RFTN2: variants seen among roughly 807,000 people sequenced by gnomAD.
RFTN2 encodes the protein raftlin family member 2.
A neutral mutation model predicts 52.7 loss-of-function variants in RFTN2; 34 were observed. The ratio of observed to expected loss-of-function variants is 0.64; its 90% CI spans 0.49 to 0.86. The LOEUF (loss-of-function observed/expected upper bound fraction) is 0.86. RFTN2 is among the 40% of genes least tolerant of loss of function. The pLI is 0.00. For synonymous variants in RFTN2, 203 were observed against 217.7 expected (o/e 0.93, Z 0.59); for missense variants, 536 against 600.1 (o/e 0.89, Z 1.12).
intron 2 of RFTN2, among the ~76,000 whole-genome samples, chr2:197,645,018 C>T (rs916608069): frequency 6.6e-6 from 1 of 152,050 alleles, no homozygotes; most frequent in African/African-American, 2.4e-5. Context: ...TCCTTCTCTG[C>T]TTAGCCCTCT....
At chr2:197,611,112 A>G (rs763007242) in intron 7 of RFTN2, among the ~76,000 whole-genome samples, 21 of 152,166 alleles carry the variant, frequency 1.4e-4, no homozygotes, top group Non-Finnish European at 2.8e-4. Flanking sequence ...TGGTATCAGG[A>G]TGATGCTGGC....
intron 1 of RFTN2, among the ~76,000 whole-genome samples, chr2:197,670,252 T>G (rs572693774): frequency 1.2e-3 from 177 of 152,350 alleles, no homozygotes; most frequent in African/African-American, 4.1e-3. Flanking sequence ...TCTGCAGTAT[T>G]GTGTGAGTAT....
At chr2:197,619,369 T>C (rs987221723) in intron 5 of RFTN2, among the ~76,000 whole-genome samples, 4 of 152,138 alleles carry the variant, frequency 2.6e-5, no homozygotes, top group East Asian at 1.9e-4. Context: ...GAGGTAGACA[T>C]GGGAGACTTT....
rs555079555 is a variant in RFTN2, at chr2:197,670,304, G to A, written c.139+5016C>T. Among the ~76,000 whole-genome samples the A allele has an allele frequency of 2.6e-5, 4 of 152,062 alleles. No homozygotes were observed. The East Asian group carries it at 7.7e-4, about 29-fold the overall frequency. ...CCATTCTTTTGTTTTTTGGAGTTCCGGGTTGTTTACACCTTTGGGCTATTA... is the reference window on the plus strand; with the variant it reads ...CCATTCTTTTGTTTTTTGGAGTTCCAGGTTGTTTACACCTTTGGGCTATTA... On this transcript the variant is annotated intron_variant, in intron 1 of 8. Transcript: ENST00000295049.
At chr2:197,599,007 A>T (rs1181535352) in intron 7 of RFTN2, among the ~76,000 whole-genome samples, 3 of 150,962 alleles carry the variant, frequency 2.0e-5, no homozygotes, top group Admixed American at 2.0e-4. Flanking sequence ...GCTGGAGTGC[A>T]GTGGCACGAC....
Position 197,615,938 on chromosome 2 carries a change from A to C in RFTN2, c.1092T>G (p.Thr364=). ...TCAGAAGCCATCCGAATTCAGCCAG[A>C]GTGTGCAGCAGAGGGCCATAATCTG... ...IKTDYGPLLH[T]LAEFGWLLTS... Residue 364 remains threonine, a synonymous_variant, in exon 7 of 9, where the codon ACT becomes ACG. Transcript: ENST00000295049. 6.4e-7 allele frequency: 1 copy of C among 1,559,548 alleles called. No homozygotes were observed. Among genetic ancestry groups the C allele is most frequent in the Non-Finnish European group, 8.7e-7 (1 of 1,149,964 alleles).
At chr2:197,590,346 A>G (rs1013820510) in intron 8 of RFTN2, among the ~76,000 whole-genome samples, 1 of 152,208 alleles carries the variant, frequency 6.6e-6, no homozygotes, top group Non-Finnish European at 1.5e-5. Context: ...AATATTTTGA[A>G]ATGACATTTT....
chr2:197,646,565 G>C lies in RFTN2; in HGVS notation c.241C>G (p.Pro81Ala). 6.2e-7 allele frequency: 1 copy of C among 1,613,518 alleles called. No individual in the cohort carries two copies. The highest frequency in any genetic ancestry group is 2.2e-5 in the East Asian group (1 of 44,878). The stretch of plus-strand genomic sequence containing the variant: ...CGCTGCCCCACAGGTTGTATAACAG[G>C]ATGAATAGCCCCGACAATATATCCT... The part of the protein sequence containing the change: ...LKGYIVGAIH[P>A]VIQPVGQRKH... Residue 81 changes from proline to alanine, a missense_variant, in exon 2 of 9, where the codon CCT becomes GCT. Coordinates refer to ENST00000295049, the MANE Select transcript of RFTN2 (RefSeq NM_144629.3).
At chr2:197,669,799 C>T (rs2089118866) in intron 1 of RFTN2, among the ~76,000 whole-genome samples, 1 of 152,156 alleles carries the variant, frequency 6.6e-6, no homozygotes, top group African/African-American at 2.4e-5. Flanking sequence ...GCTGGGGACC[C>T]CTGCACTAGG....
intron 8 of RFTN2, chr2:197,588,041 T>C (rs2087629801): frequency 2.1e-6 from 1 of 468,558 alleles, no homozygotes; most frequent in Non-Finnish European, 4.4e-6. Flanking sequence ...TATGAGTAGA[T>C]TTGCTGTAAA....
chr2:197,594,977 T>A (rs1178433585), intron 8 of RFTN2, among the ~76,000 whole-genome samples: 1 of 152,274 alleles, frequency 6.6e-6, no homozygotes, highest in East Asian at 1.9e-4. Flanking sequence ...AACAACGTTT[T>A]CTTGATTTAG....
intron 8 of RFTN2, among the ~76,000 whole-genome samples, chr2:197,582,197 T>C (rs573203859): frequency 6.6e-6 from 1 of 152,364 alleles, no homozygotes; most frequent in South Asian, 2.1e-4. Context: ...ACTCACTCTC[T>C]ACAGTTCTCA....
At chr2:197,657,933 T>C (rs1218042950) in intron 1 of RFTN2, among the ~76,000 whole-genome samples, 3 of 152,132 alleles carry the variant, frequency 2.0e-5, no homozygotes, top group Admixed American at 6.5e-5. Flanking sequence ...TGGAGGGCTG[T>C]TAGGAACTTG....
At chr2:197,645,127 T>C (rs1288469095) in intron 2 of RFTN2, among the ~76,000 whole-genome samples, 1 of 152,250 alleles carries the variant, frequency 6.6e-6, no homozygotes, top group Non-Finnish European at 1.5e-5. Flanking sequence ...CACTGCATAA[T>C]GATGTTTCTG....
At position 197,568,645 on chromosome 2, in the gene RFTN2, C is replaced by T. The variant is rs181767603; in HGVS notation, c.*3363G>A. On this transcript the variant is annotated 3_prime_UTR_variant, in exon 9 of 9. Coordinates refer to ENST00000295049, the MANE Select transcript of RFTN2 (RefSeq NM_144629.3). ...ATCCCCATTGTTAGCAATTTCACTT[C>T]ATTTGATTCTCCATCTGAATTTACA... is the stretch of plus-strand genomic sequence containing the variant. 11 of 152,284 alleles carry T rather than the reference C, an allele frequency of 7.2e-5. No homozygotes were observed. Among genetic ancestry groups the T allele is most frequent in the Admixed American group, 7.2e-4 (11 of 15,298 alleles). The allele number at this position is 152,284 out of a possible 1,614,324, so 9.4% of individuals were successfully genotyped here. A position where few individuals can be genotyped will look rare whatever the true frequency, so the allele number is the denominator to read the frequency against.
At chr2:197,650,412 G>A (rs758845392) in intron 1 of RFTN2, among the ~76,000 whole-genome samples, 1 of 152,154 alleles carries the variant, frequency 6.6e-6, no homozygotes, top group Non-Finnish European at 1.5e-5. Flanking sequence ...GATTGTGGTT[G>A]ATAACTTTAA....
chr2:197,576,076 C>G (rs1272092571), intron 8 of RFTN2, among the ~76,000 whole-genome samples: 1 of 151,144 alleles, frequency 6.6e-6, no homozygotes, highest in African/African-American at 2.4e-5. Context: ...TGGTGCAATC[C>G]CAGCACACTG....
chr2:197,618,538 T>G (rs1394599330), intron 5 of RFTN2, among the ~76,000 whole-genome samples: 1 of 145,462 alleles, frequency 6.9e-6, no homozygotes, highest in Admixed American at 6.8e-5. Flanking sequence ...CGTCTCCGCC[T>G]GGCCGCCCAT....
At chr2:197,656,618 G>A (rs970546212) in intron 1 of RFTN2, among the ~76,000 whole-genome samples, 7 of 152,196 alleles carry the variant, frequency 4.6e-5, no homozygotes, top group Middle Eastern at 3.4e-3. Context: ...GTCATTGTTG[G>A]TTTAAAAAAT....
Sources: allele counts gnomAD v4.1 joint callset (sites outside exome capture counted in the v4.1 genomes callset), GRCh38; gene constraint gnomAD v4.1.1; transcripts MANE v1.5; gene names NCBI Gene and HGNC (gene_info 2026-07-23, HGNC 2026-07-21).